CERS4: variants seen among roughly 807,000 people sequenced by gnomAD.
CERS4 encodes ceramide synthase 4, also known as LAG1 homolog, ceramide synthase 4.
A neutral mutation model predicts 51.8 loss-of-function variants in CERS4; 65 were observed. The ratio of observed to expected loss-of-function variants is 1.26; its 90% CI spans 1.03 to 1.54. The LOEUF is 1.54. Ranked by LOEUF, CERS4 falls within the 40% of genes most tolerant of loss-of-function variation. The probability of loss-of-function intolerance (pLI) is 0.00; values close to 1 mark genes in which losing one functional copy is unlikely to be tolerated. For synonymous variants in CERS4, 228 were observed against 208.4 expected (o/e 1.09, Z -0.81); for missense variants, 563 against 500.4 (o/e 1.13, Z -1.19).
In CERS4 at chr19:8,221,130, A is replaced by AT. The variant is rs577339714; in HGVS notation, c.-2+10285dup. On this transcript the variant is annotated intron_variant, in intron 2 of 11. Coordinates refer to ENST00000251363, the MANE Select transcript of CERS4 (RefSeq NM_024552.3). ...GTGAGCCACTGTGCCCGGCCTGTGT[A>AT]TTTTTTTTTTTTTTTTTAAACAGAG... Among the ~76,000 whole-genome samples the AT allele has an allele frequency of 6.2e-3, 834 of 133,928 alleles. 11 individuals carry two copies. The highest frequency in any genetic ancestry group is 0.016 in the African/African-American group (591 of 36,886). The allele number at this position is 133,928 out of a possible 152,430, so 87.9% of individuals were successfully genotyped here. A position where few individuals can be genotyped will look rare whatever the true frequency, so the allele number is the denominator to read the frequency against.
chr19:8,262,163 C>G lies in CERS4; in HGVS notation c.*54C>G, dbSNP rs1969744841. On this transcript the variant is annotated 3_prime_UTR_variant, in exon 12 of 12. Transcript: ENST00000251363. Reference sequence around the variant, plus strand: ...CCCCCCGCCAGTGCCTTGGATATTTCTGGGGTGACTGGACTGGCGCCCCTG... The same window carrying G: ...CCCCCCGCCAGTGCCTTGGATATTTGTGGGGTGACTGGACTGGCGCCCCTG... 1 of 1,407,240 alleles carries G rather than the reference C, an allele frequency of 7.1e-7. No homozygotes were observed. The allele number at this position is 1,407,240 out of a possible 1,614,324, so 87.2% of individuals were successfully genotyped here.
chr19:8,230,599 T>C (rs1036871651), intron 2 of CERS4, among the ~76,000 whole-genome samples: 2 of 152,200 alleles, frequency 1.3e-5, no homozygotes, highest in African/African-American at 4.8e-5. Context: ...CATGTTTAAG[T>C]GTGCAACTTA....
At chr19:8,238,444 T>G (rs1296672241) in intron 2 of CERS4, 2 of 932,970 alleles carry the variant, frequency 2.1e-6, no homozygotes, top group African/African-American at 1.8e-5. Flanking sequence ...AGGGCACTGA[T>G]GCAGAGGCCT....
At chr19:8,245,129 A>AAAAAAAAAAAAAC (rs1327716311) in intron 2 of CERS4, among the ~76,000 whole-genome samples, 18 of 148,756 alleles carry the variant, frequency 1.2e-4, no homozygotes, top group African/African-American at 4.0e-4. Flanking sequence ...AAAAAAAAAA[A>AAAAAAAAAAAAAC]AAAAAACACT....
At chr19:8,221,687 C>T (rs886196145) in intron 2 of CERS4, among the ~76,000 whole-genome samples, 4 of 149,442 alleles carry the variant, frequency 2.7e-5, no homozygotes, top group African/African-American at 9.9e-5. Context: ...CTGGGATTAC[C>T]ATGCCCAGCT....
At chr19:8,235,199 G>A (rs1165386108) in intron 2 of CERS4, among the ~76,000 whole-genome samples, 1 of 151,132 alleles carries the variant, frequency 6.6e-6, no homozygotes, top group Non-Finnish European at 1.5e-5. Context: ...AGTAGAAACG[G>A]GGTTTCACCA....
Position 8,260,478 on chromosome 19 carries a change from T to C in CERS4, c.849-1210T>C, listed in dbSNP as rs533527025. The stretch of plus-strand genomic sequence containing the variant: ...GCCTCCACCTCCCAAAGTGCTGGGA[T>C]TACAGGCGTGAGCCACTGTGCCCAG... On this transcript the variant is annotated intron_variant, in intron 10 of 11. Transcript: ENST00000251363. Among the ~76,000 whole-genome samples, 7 of 147,928 alleles carry C rather than the reference T, an allele frequency of 4.7e-5. No individual in the cohort carries two copies. In the East Asian group the frequency reaches 1.5e-3, roughly 31 times the overall value.
intron 2 of CERS4, among the ~76,000 whole-genome samples, chr19:8,238,041 C>T (rs1035893088): frequency 1.3e-5 from 2 of 152,130 alleles, no homozygotes; most frequent in South Asian, 4.2e-4. Context: ...TGGTAATCCC[C>T]CCCCACAATC....
chr19:8,244,041 G>A (rs2145257855), intron 2 of CERS4, among the ~76,000 whole-genome samples: 1 of 152,352 alleles, frequency 6.6e-6, no homozygotes, highest in South Asian at 2.1e-4. Flanking sequence ...GGTGAACCCA[G>A]TGTCATCACA....
rs552479547 is a variant in CERS4, at chr19:8,230,329, A to G, written c.-2+19467A>G. Among the ~76,000 whole-genome samples, 2 of 152,158 alleles carry G rather than the reference A, an allele frequency of 1.3e-5. 1 individual carries two copies. The highest frequency in any genetic ancestry group is 4.1e-4 in the South Asian group (2 of 4,822). ...CTCAGCCTCCCGAGTAGCTGGGATTACAGGCATGTGCCACCACGCCTGGCC... is the reference window on the plus strand; with the variant it reads ...CTCAGCCTCCCGAGTAGCTGGGATTGCAGGCATGTGCCACCACGCCTGGCC... On this transcript the variant is annotated intron_variant, in intron 2 of 11. Transcript: ENST00000251363.
At chr19:8,239,839 G>A (rs1968449969) in intron 2 of CERS4, among the ~76,000 whole-genome samples, 1 of 152,170 alleles carries the variant, frequency 6.6e-6, no homozygotes, top group Non-Finnish European at 1.5e-5. Context: ...ATTCATCCAT[G>A]TAGCAAACAT....
At chr19:8,253,195 T>C (rs935759765) in intron 3 of CERS4, among the ~76,000 whole-genome samples, 1 of 152,174 alleles carries the variant, frequency 6.6e-6, no homozygotes, top group Non-Finnish European at 1.5e-5. Context: ...AACGTGGCCA[T>C]TGACCAGGGT....
At chr19:8,258,771 G>A (rs1034045982) in intron 10 of CERS4, among the ~76,000 whole-genome samples, 1 of 152,050 alleles carries the variant, frequency 6.6e-6, no homozygotes, top group Non-Finnish European at 1.5e-5. Context: ...AAACCCAGAA[G>A]GCAGAGGCTA....
At chr19:8,231,941 C>T (rs1272756980) in intron 2 of CERS4, among the ~76,000 whole-genome samples, 1 of 150,230 alleles carries the variant, frequency 6.7e-6, no homozygotes, top group Non-Finnish European at 1.5e-5. Flanking sequence ...GATCCTCCCA[C>T]CTCAGCCTCC....
intron 2 of CERS4, among the ~76,000 whole-genome samples, chr19:8,232,418 G>A (rs947852863): frequency 4.6e-5 from 7 of 151,860 alleles, no homozygotes; most frequent in African/African-American, 1.5e-4. Context: ...AGCCTCCCTA[G>A]TAGCTGGGAT....
chr19:8,225,483 G>A (rs1027766018), intron 2 of CERS4, among the ~76,000 whole-genome samples: 1 of 150,536 alleles, frequency 6.6e-6, no homozygotes, highest in Non-Finnish European at 1.5e-5. Flanking sequence ...GTGCGCAATG[G>A]AGCGATCTCG....
At chr19:8,255,476 T>G in intron 4 of CERS4, 131 bp from the exon 5 acceptor site, 1 of 799,044 alleles carries the variant, frequency 1.3e-6, no homozygotes, top group Non-Finnish European at 2.1e-6. Flanking sequence ...TGCCCCTCCA[T>G]ATAGACATGG....
intron 2 of CERS4, among the ~76,000 whole-genome samples, chr19:8,248,904 T>G (rs1115198): frequency 0.04 from 5,121 of 127,608 alleles, 131 homozygotes; most frequent in African/African-American, 0.052. Flanking sequence ...TGGGTGGACA[T>G]ATGGATGATG....
intron 3 of CERS4, among the ~76,000 whole-genome samples, 158 bp from the exon 4 acceptor site, chr19:8,254,341 A>AAAAAAAAAAAG: frequency 6.7e-6 from 1 of 149,364 alleles, no homozygotes; most frequent in Non-Finnish European, 1.5e-5. Flanking sequence ...AAAAAAAAAA[A>AAAAAAAAAAAG]AGTCTTACAC....
Sources: gnomAD v4.1 joint callset for allele counts (sites outside exome capture counted in the v4.1 genomes callset) on GRCh38, gnomAD v4.1.1 for gene constraint, MANE v1.5 for transcripts, NCBI Gene and HGNC (gene_info 2026-07-23, HGNC 2026-07-21) for gene names.